The following SEL1L3 variants were observed in gnomAD, a reference collection of about 807,000 sequenced individuals.
The protein encoded by SEL1L3 is protein sel-1 homolog 3.
A neutral mutation model predicts 142.8 loss-of-function variants in SEL1L3; 76 were observed. The observed-to-expected ratio is 0.53, with a 90% CI of 0.44 to 0.64. The LOEUF (loss-of-function observed/expected upper bound fraction) is 0.64, where lower values mean the gene tolerates loss of function less well. SEL1L3 is among the 30% of genes least tolerant of loss of function. The probability of loss-of-function intolerance (pLI) is 0.00; values close to 1 mark genes in which losing one functional copy is unlikely to be tolerated. For synonymous variants in SEL1L3, 504 were observed against 519.6 expected, an observed-to-expected ratio of 0.97 and a Z score of 0.41; for missense variants, 1,262 against 1,381.7, an observed-to-expected ratio of 0.91 and a Z score of 1.37.
intron 13 of SEL1L3, among the ~76,000 whole-genome samples, chr4:25,786,087 G>A (rs977332926): frequency 6.6e-6 from 1 of 152,168 alleles, no homozygotes; most frequent in Admixed American, 6.5e-5. Context: ...TCCACTGAGT[G>A]AATGGATGGA....
At chr4:25,736,498 A>G in the SEL1L3 span, among the ~76,000 whole-genome samples, 3 of 152,144 alleles carry the variant, frequency 2.0e-5, no homozygotes, top group Non-Finnish European at 4.4e-5. Flanking sequence ...TGCTGGGATT[A>G]CAGGTGTGAG....
At chr4:25,857,284 C>G (rs1000428181) in intron 1 of SEL1L3, among the ~76,000 whole-genome samples, 7 of 152,218 alleles carry the variant, frequency 4.6e-5, no homozygotes, top group African/African-American at 7.2e-5. Flanking sequence ...ATTATTCCCT[C>G]CTAAACCTGA....
chr4:25,823,585 CTTATT>C (rs1714905641), intron 6 of SEL1L3, among the ~76,000 whole-genome samples: 2 of 151,702 alleles, frequency 1.3e-5, no homozygotes, highest in Non-Finnish European at 2.9e-5. Context: ...TGGGAGGATT[CTTATT>C]TTAAAGAATA....
chr4:25,739,241 A>G, the SEL1L3 span, among the ~76,000 whole-genome samples: 1 of 151,754 alleles, frequency 6.6e-6, no homozygotes, highest in South Asian at 2.1e-4. Flanking sequence ...AACAACAAAA[A>G]AACAATGTCT....
chr4:25,829,115 G>T (rs1019732038), intron 6 of SEL1L3, among the ~76,000 whole-genome samples: 1 of 152,178 alleles, frequency 6.6e-6, no homozygotes, highest in African/African-American at 2.4e-5. Context: ...TGGGGTTACA[G>T]GCATGCGCCA....
At chr4:25,803,398 C>T (rs16877590) in intron 10 of SEL1L3, among the ~76,000 whole-genome samples, 2,008 of 152,328 alleles carry the variant, frequency 0.013, 48 homozygotes, top group African/African-American at 0.047. Flanking sequence ...AACATGGAAC[C>T]ATTTGGGCAC....
At chr4:25,731,712 AT>A in the SEL1L3 span, among the ~76,000 whole-genome samples, 1 of 152,022 alleles carries the variant, frequency 6.6e-6, no homozygotes, top group African/African-American at 2.4e-5. Context: ...ATATACCATA[AT>A]TTTTTTATCC....
At chr4:25,783,545 T>C (rs1711570054) in intron 14 of SEL1L3, among the ~76,000 whole-genome samples, 1 of 151,228 alleles carries the variant, frequency 6.6e-6, no homozygotes, top group Non-Finnish European at 1.5e-5. Context: ...TCTGCAAATC[T>C]ATTTATTTGG....
rs753078083 is a variant in SEL1L3 at position 25,821,987 on chromosome 4, T to A, written c.1290+9A>T. On this transcript the variant is annotated intron_variant, in intron 7 of 23. Coordinates refer to ENST00000399878, the MANE Select transcript of SEL1L3 (RefSeq NM_015187.5). ...GAGTACCGCAATCTTCCTGATCCCC[T>A]GGACTCACCTGGGCGGGGTGCAGAC... 19 of 1,612,384 alleles carry A rather than the reference T, an allele frequency of 1.2e-5. No individual in the cohort carries two copies. The highest frequency in any genetic ancestry group is 1.6e-5 in the Non-Finnish European group (19 of 1,179,302).
chr4:25,716,778 G>C, the SEL1L3 span, among the ~76,000 whole-genome samples: 1 of 152,072 alleles, frequency 6.6e-6, no homozygotes, highest in Admixed American at 6.6e-5. Flanking sequence ...TAATTTTTGT[G>C]CTAATCTACA....
At chr4:25,835,498 A>G (rs748340245) in intron 2 of SEL1L3, among the ~76,000 whole-genome samples, 175 bp from the exon 3 acceptor site, 1 of 152,268 alleles carries the variant, frequency 6.6e-6, no homozygotes, top group Non-Finnish European at 1.5e-5. Flanking sequence ...AGCACTTTAC[A>G]GAGACCATGT....
At chr4:25,834,994 T>C (rs1402792712) in intron 3 of SEL1L3, among the ~76,000 whole-genome samples, 1 of 152,168 alleles carries the variant, frequency 6.6e-6, no homozygotes, top group African/African-American at 2.4e-5. Flanking sequence ...AAATTGAGGA[T>C]TGTTAAATGC....
chr4:25,739,030 C>A, the SEL1L3 span, among the ~76,000 whole-genome samples: 1 of 151,786 alleles, frequency 6.6e-6, no homozygotes. Context: ...ATGGAGAAAC[C>A]CTGTCTCTAC....
intron 9 of SEL1L3, among the ~76,000 whole-genome samples, chr4:25,811,217 GA>G (rs932268733): frequency 6.6e-5 from 10 of 152,340 alleles, no homozygotes; most frequent in African/African-American, 2.4e-4. Context: ...CAGATCATAT[GA>G]AAGCAAGAAC....
chr4:25,858,927 T>C (rs1198209020), intron 1 of SEL1L3, among the ~76,000 whole-genome samples: 1 of 152,234 alleles, frequency 6.6e-6, no homozygotes, highest in Non-Finnish European at 1.5e-5. Context: ...CTCAGTCTGA[T>C]TGTCTAACAA....
intron 2 of SEL1L3, among the ~76,000 whole-genome samples, chr4:25,846,095 C>T (rs1043944523): frequency 3.9e-5 from 6 of 152,072 alleles, no homozygotes; most frequent in East Asian, 3.9e-4. Context: ...AACAACTGGG[C>T]GCATGTGTGG....
At chr4:25,797,427 C>T (rs560145651) in intron 11 of SEL1L3, among the ~76,000 whole-genome samples, 1 of 152,074 alleles carries the variant, frequency 6.6e-6, no homozygotes, top group African/African-American at 2.4e-5. Flanking sequence ...ATGTTAGGCT[C>T]CCAGTAGGAG....
intron 20 of SEL1L3, among the ~76,000 whole-genome samples, chr4:25,762,097 C>T (rs1718411908): frequency 6.6e-6 from 1 of 152,196 alleles, no homozygotes; most frequent in Non-Finnish European, 1.5e-5. Context: ...TACTGGTTTG[C>T]ACCACCACGC....
At position 25,804,727 on chromosome 4, in the gene SEL1L3, T is replaced by C. The variant is rs59964652; in HGVS notation, c.1590A>G (p.Val530=). 5.9e-4 allele frequency: 950 copies of C among 1,613,474 alleles called. 5 individuals carry two copies. In the African/African-American group the frequency reaches 0.01, roughly 18 times the overall value. Residue 530 remains valine (V), a synonymous_variant, in exon 10 of 24, where the codon GTA becomes GTG. Transcript: ENST00000399878. Reference sequence around the variant, plus strand: ...CAAATATCTTCCCACCGATTTCTGATACAGATTCATTTTGGTTCCTTGGCA... The same window carrying C: ...CAAATATCTTCCCACCGATTTCTGACACAGATTCATTTTGGTTCCTTGGCA... ...LTVPRNQNES[V]SEIGGKIFEK...
Sources: allele counts gnomAD v4.1 joint callset (sites outside exome capture counted in the v4.1 genomes callset), GRCh38; gene constraint gnomAD v4.1.1; transcripts MANE v1.5; gene names NCBI Gene and HGNC (gene_info 2026-07-23, HGNC 2026-07-21).